The following AGBL4 variants were observed in gnomAD, a reference collection of about 807,000 sequenced individuals.
AGBL4 encodes the protein AGBL carboxypeptidase 4.
In AGBL4, 58 loss-of-function variants were observed where a neutral mutation model predicts 66.4. The observed-to-expected ratio is 0.87, with a 90% confidence interval of 0.71 to 1.09. The LOEUF (loss-of-function observed/expected upper bound fraction) is 1.09, where lower values mean the gene tolerates loss of function less well. Among genes scored for constraint, AGBL4 ranks in the 50% least tolerant of loss-of-function variants. The probability of loss-of-function intolerance (pLI) is 0.00; values close to 1 mark genes in which losing one functional copy is unlikely to be tolerated. For missense variants in AGBL4, 579 were observed against 631.0 expected (o/e 0.92, Z 0.88); for synonymous variants, 234 against 222.9 (o/e 1.05, Z -0.44).
chr1:49,687,577 G>C (rs1267432482), intron 3 of AGBL4, among the ~76,000 whole-genome samples: 1 of 152,002 alleles, frequency 6.6e-6, no homozygotes, highest in East Asian at 1.9e-4. Context: ...TTCAAGACCA[G>C]CCTGGGCAAC....
rs1000742993 is a variant in AGBL4 at position 48,888,370 on chromosome 1, C to T, written c.595-21140G>A. ...TCTGGGTATCCTTCTGCCTCAAAAC[C>T]GCACTATCCTTCTGTCCGTTAGAGG... On this transcript the variant is annotated intron_variant, in intron 5 of 13. Coordinates refer to ENST00000371839, the MANE Select transcript of AGBL4 (RefSeq NM_032785.4). Among the ~76,000 whole-genome samples the T allele has an allele frequency of 4.6e-5, 7 of 152,164 alleles. No homozygotes were observed. The East Asian group carries it at 5.8e-4, about 13-fold the overall frequency.
At chr1:48,582,771 A>G (rs1297547892) in intron 11 of AGBL4, among the ~76,000 whole-genome samples, 1 of 152,212 alleles carries the variant, frequency 6.6e-6, no homozygotes, top group Non-Finnish European at 1.5e-5. Flanking sequence ...AACCAGTACA[A>G]GGTCACACAG....
chr1:48,821,133 G>T (rs1407660881), intron 6 of AGBL4, among the ~76,000 whole-genome samples: 1 of 152,072 alleles, frequency 6.6e-6, no homozygotes, highest in Non-Finnish European at 1.5e-5. Flanking sequence ...GGAGAAAAGG[G>T]ATATGTTGAT....
At chr1:48,589,577 A>G (rs1644880596) in intron 10 of AGBL4, among the ~76,000 whole-genome samples, 2 of 152,076 alleles carry the variant, frequency 1.3e-5, no homozygotes, top group South Asian at 2.1e-4. Context: ...CCCTTTTCCA[A>G]TATTGCTTTT....
At chr1:48,856,854 A>G (rs1171660709) in intron 6 of AGBL4, among the ~76,000 whole-genome samples, 1 of 152,202 alleles carries the variant, frequency 6.6e-6, no homozygotes, top group Non-Finnish European at 1.5e-5. Flanking sequence ...AAACCCAGTG[A>G]CTATCATGTC....
intron 3 of AGBL4, among the ~76,000 whole-genome samples, chr1:49,642,573 TG>T (rs1339757597): frequency 6.6e-6 from 1 of 151,954 alleles, no homozygotes; most frequent in East Asian, 1.9e-4. Flanking sequence ...AACACATGCA[TG>T]TGTGGAAACT....
At chr1:49,750,736 C>G (rs2147836044) in intron 2 of AGBL4, among the ~76,000 whole-genome samples, 1 of 152,220 alleles carries the variant, frequency 6.6e-6, no homozygotes, top group African/African-American at 2.4e-5. Context: ...GAATGTTTTT[C>G]CATTTGTTTG....
At chr1:49,172,621 G>GTAGGATCC (rs1646758998) in intron 4 of AGBL4, among the ~76,000 whole-genome samples, 1 of 152,176 alleles carries the variant, frequency 6.6e-6, no homozygotes, top group Non-Finnish European at 1.5e-5. Flanking sequence ...AAGTGTGGAG[G>GTAGGATCC]TAGGATCCTA....
chr1:49,222,775 C>T (rs1649599640), intron 4 of AGBL4, among the ~76,000 whole-genome samples: 1 of 152,160 alleles, frequency 6.6e-6, no homozygotes, highest in South Asian at 2.1e-4. Flanking sequence ...ATGGACTGCT[C>T]ATTCTCTAAA....
intron 2 of AGBL4, among the ~76,000 whole-genome samples, chr1:49,752,138 G>T (rs2147840038): frequency 6.6e-6 from 1 of 152,052 alleles, no homozygotes; most frequent in African/African-American, 2.4e-5. Context: ...GTTTGCTCTT[G>T]ATTCTCTAGT....
chr1:48,827,995 T>TAC (rs375257744), intron 6 of AGBL4, among the ~76,000 whole-genome samples: 15,182 of 116,756 alleles, frequency 0.13, 999 homozygotes, highest in South Asian at 0.19. Flanking sequence ...CTACTAAAAA[T>TAC]ACACACACAC....
At chr1:49,619,662 G>A (rs1645318759) in intron 3 of AGBL4, among the ~76,000 whole-genome samples, 1 of 152,016 alleles carries the variant, frequency 6.6e-6, no homozygotes, top group Non-Finnish European at 1.5e-5. Flanking sequence ...GTATAGCGAA[G>A]ACAATCCTAA....
At chr1:49,525,263 G>T (rs1309364971) in intron 3 of AGBL4, among the ~76,000 whole-genome samples, 1 of 151,872 alleles carries the variant, frequency 6.6e-6, no homozygotes, top group Non-Finnish European at 1.5e-5. Flanking sequence ...ATAATAGCAG[G>T]AATTATAAAA....
chr1:48,892,615 G>A (rs1006119458), intron 5 of AGBL4, among the ~76,000 whole-genome samples: 1 of 152,186 alleles, frequency 6.6e-6, no homozygotes, highest in East Asian at 1.9e-4. Flanking sequence ...GGGCTTCAGG[G>A]CACAGGTAGG....
At chr1:49,845,166 T>A (rs1432996338) in intron 2 of AGBL4, 4 of 1,410,490 alleles carry the variant, frequency 2.8e-6, no homozygotes, top group Non-Finnish European at 4.0e-6. Context: ...CTTATGAATG[T>A]CACAAATGAG....
chr1:49,268,460 TCTCA>T (rs1643979941), intron 3 of AGBL4, among the ~76,000 whole-genome samples: 1 of 142,874 alleles, frequency 7.0e-6, no homozygotes, highest in Non-Finnish European at 1.5e-5. Context: ...AAATACAAGA[TCTCA>T]CTCTATTGCA....
chr1:49,310,690 T>C (rs918365660), intron 3 of AGBL4, among the ~76,000 whole-genome samples: 1 of 152,034 alleles, frequency 6.6e-6, no homozygotes, highest in African/African-American at 2.4e-5. Context: ...TTCTGCAACA[T>C]ACATTACTCT....
intron 3 of AGBL4, among the ~76,000 whole-genome samples, chr1:49,311,650 A>G (rs1644944073): frequency 6.6e-6 from 1 of 152,076 alleles, no homozygotes. Context: ...CAAAGAATTA[A>G]TATTGTAATA....
chr1:48,693,059 T>C (rs1047016006), intron 6 of AGBL4, among the ~76,000 whole-genome samples: 1 of 152,228 alleles, frequency 6.6e-6, no homozygotes, highest in Non-Finnish European at 1.5e-5. Flanking sequence ...CACCTGGCTT[T>C]GCAGCTCCCA....
Sources: allele counts gnomAD v4.1 joint callset (sites outside exome capture counted in the v4.1 genomes callset), GRCh38; gene constraint gnomAD v4.1.1; transcripts MANE v1.5; gene names NCBI Gene and HGNC (gene_info 2026-07-23, HGNC 2026-07-21).